Variants in ALDH1A2 observed in about 807,000 individuals in gnomAD.
The protein encoded by ALDH1A2 is aldehyde dehydrogenase 1 family member A2.
A neutral mutation model predicts 60.3 loss-of-function variants in ALDH1A2; 27 were observed. That is an observed-to-expected ratio of 0.45 (90% confidence interval 0.33 to 0.62). The LOEUF is 0.62. Ranked by LOEUF, ALDH1A2 falls within the 20% of genes least tolerant of loss-of-function variation. ALDH1A2 has a pLI of 0.02. For missense variants in ALDH1A2, 581 were observed against 643.8 expected (o/e 0.90, Z 1.06); for synonymous variants, 289 against 232.4 (o/e 1.24, Z -2.21).
intron 1 of ALDH1A2, among the ~76,000 whole-genome samples, chr15:58,061,595 C>CAAGAAAA (rs1897034426): frequency 2.3e-5 from 1 of 43,330 alleles, no homozygotes; most frequent in Admixed American, 2.5e-4. Context: ...CTCCTTCCCT[C>CAAGAAAA]AAAAAAAAAA....
chr15:58,004,730 C>T (rs12916710), intron 4 of ALDH1A2, among the ~76,000 whole-genome samples: 14,507 of 140,500 alleles, frequency 0.1, 805 homozygotes, highest in African/African-American at 0.12. Context: ...TATATATATA[C>T]ATATATATAT....
chr15:58,021,451 T>G (rs1306953082), intron 1 of ALDH1A2, among the ~76,000 whole-genome samples: 1 of 151,928 alleles, frequency 6.6e-6, no homozygotes, highest in African/African-American at 2.4e-5. Flanking sequence ...GGGAAATGGG[T>G]GAGTGGGAGA....
intron 3 of ALDH1A2, among the ~76,000 whole-genome samples, chr15:58,011,874 A>G (rs8029975): frequency 0.9 from 137,229 of 152,214 alleles, 63,563 homozygotes; most frequent in East Asian, 1. Context: ...GCATAGCACC[A>G]AAATCTGCAC....
At chr15:58,022,724 C>A (rs1895964754) in intron 1 of ALDH1A2, among the ~76,000 whole-genome samples, 1 of 152,134 alleles carries the variant, frequency 6.6e-6, no homozygotes, top group Non-Finnish European at 1.5e-5. Context: ...CTATAACTTA[C>A]CAAGGAAATC....
intron 7 of ALDH1A2, among the ~76,000 whole-genome samples, chr15:57,970,460 G>A (rs955939959): frequency 6.6e-6 from 1 of 152,198 alleles, no homozygotes; most frequent in Non-Finnish European, 1.5e-5. Flanking sequence ...AGTATCCCTG[G>A]AAGAGCCACA....
At chr15:57,963,384 C>T (rs79266663) in intron 9 of ALDH1A2, among the ~76,000 whole-genome samples, 273 of 139,790 alleles carry the variant, frequency 2.0e-3, no homozygotes, top group African/African-American at 5.8e-3. Context: ...CTTGCTCTTT[C>T]GCCCAGGCTG....
intron 7 of ALDH1A2, among the ~76,000 whole-genome samples, chr15:57,973,544 G>C (rs546698428): frequency 3.3e-5 from 5 of 152,332 alleles, no homozygotes; most frequent in Admixed American, 1.3e-4. Context: ...TGCAAAGTTA[G>C]AATAAATGGA....
chr15:58,016,367 C>T (rs1226715253), intron 1 of ALDH1A2, among the ~76,000 whole-genome samples: 1 of 152,048 alleles, frequency 6.6e-6, no homozygotes, highest in Non-Finnish European at 1.5e-5. Flanking sequence ...TGGTCATGAA[C>T]CCCTGACCTC....
At chr15:57,974,114 C>A (rs1351102733) in intron 7 of ALDH1A2, among the ~76,000 whole-genome samples, 5 of 152,108 alleles carry the variant, frequency 3.3e-5, no homozygotes, top group Non-Finnish European at 7.4e-5. Flanking sequence ...AACAGTCACA[C>A]AGATTACTGA....
rs12903202 is a variant in ALDH1A2 at position 58,014,595 on chromosome 15, A to G, written c.118-314T>C. The G allele has an allele frequency of 0.069, 32,170 of 467,976 alleles. 1,472 individuals carry two copies. Among genetic ancestry groups the G allele is most frequent in the Non-Finnish European group, 0.093 (21,818 of 235,094 alleles). 29.0% of individuals were successfully genotyped at this position (467,976 alleles called of 1,614,324 possible). A position where few individuals can be genotyped will look rare whatever the true frequency, so the allele number is the denominator to read the frequency against. On this transcript the variant is annotated intron_variant, in intron 1 of 12. Transcript: ENST00000249750. ...ACTGATGCTAAGGCAAGAGTTATCG[A>G]TAGCCCAAGCTCTGGCTAGTATCCA...
chr15:57,961,018 T>C, intron 11 of ALDH1A2, 119 bp downstream of exon 11: 1 of 1,441,292 alleles, frequency 6.9e-7, no homozygotes, highest in South Asian at 1.2e-5. Flanking sequence ...GTGTACCCCT[T>C]TTCTGGTGAA....
At chr15:58,065,503 C>T in intron 1 of ALDH1A2, 31 bp downstream of exon 1, 2 of 1,555,904 alleles carry the variant, frequency 1.3e-6, no homozygotes, top group Non-Finnish European at 1.8e-6. Flanking sequence ...AGAAAGTCTC[C>T]GTGGACGACG....
intron 4 of ALDH1A2, among the ~76,000 whole-genome samples, chr15:58,001,034 TAAAAAAA>T (rs10641902): frequency 4.0e-5 from 5 of 126,240 alleles, no homozygotes; most frequent in Admixed American, 3.4e-4. Flanking sequence ...TCAAAATTGT[TAAAAAAA>T]AAAAAAAAAA....
At chr15:58,009,524 T>C (rs1306997422) in intron 4 of ALDH1A2, among the ~76,000 whole-genome samples, 1 of 151,262 alleles carries the variant, frequency 6.6e-6, no homozygotes, top group Non-Finnish European at 1.5e-5. Context: ...GCACTCTCCA[T>C]GGAAAGCAGA....
intron 7 of ALDH1A2, among the ~76,000 whole-genome samples, chr15:57,972,737 CACATGAA>C (rs1451202594): frequency 6.6e-6 from 1 of 152,116 alleles, no homozygotes; most frequent in African/African-American, 2.4e-5. Flanking sequence ...AAGGTTTTTC[CACATGAA>C]ACTGGTTTTT....
chr15:57,965,672 A>G, intron 8 of ALDH1A2, 53 bp downstream of exon 8: 1 of 1,271,666 alleles, frequency 7.9e-7, no homozygotes, highest in South Asian at 1.2e-5. Flanking sequence ...GATATAAAAG[A>G]GAGCACCAAA....
intron 7 of ALDH1A2, among the ~76,000 whole-genome samples, chr15:57,981,289 AACACACACACACACACACAC>A (rs775138747): frequency 1.4e-5 from 2 of 142,042 alleles, no homozygotes; most frequent in African/African-American, 2.6e-5. Context: ...TAGAAGAGCA[AACACACACACACACACACAC>A]ACACACACAC....
intron 7 of ALDH1A2, among the ~76,000 whole-genome samples, chr15:57,976,024 C>T (rs1395061916): frequency 1.3e-5 from 2 of 152,100 alleles, no homozygotes; most frequent in African/African-American, 4.8e-5. Flanking sequence ...AATAAAGGTA[C>T]ATTAAACAAA....
intron 7 of ALDH1A2, among the ~76,000 whole-genome samples, chr15:57,982,795 A>C (rs917317272): frequency 2.3e-4 from 35 of 152,322 alleles, no homozygotes; most frequent in African/African-American, 8.2e-4. Context: ...AGGAAAGCCT[A>C]GTATTTTCTC....
Sources: allele counts gnomAD v4.1 joint callset (sites outside exome capture counted in the v4.1 genomes callset), GRCh38; gene constraint gnomAD v4.1.1; transcripts MANE v1.5; gene names NCBI Gene and HGNC (gene_info 2026-07-23, HGNC 2026-07-21).